The following USP15 variants were observed in gnomAD, a reference collection of about 807,000 sequenced individuals.
USP15 encodes the protein ubiquitin specific peptidase 15.
Under a neutral mutation model 127.1 loss-of-function variants are expected in USP15, and 18 were observed. The observed-to-expected ratio is 0.14, with a 90% CI of 0.10 to 0.21. USP15 has a LOEUF of 0.21. USP15 is among the 10% of genes least tolerant of loss of function. The probability of loss-of-function intolerance (pLI) is 1.00; values close to 1 mark genes in which losing one functional copy is unlikely to be tolerated. For missense variants in USP15, 805 were observed against 1,159.9 expected, an observed-to-expected ratio of 0.69 and a Z score of 4.44; for synonymous variants, 364 against 393.7, an observed-to-expected ratio of 0.92 and a Z score of 0.89.
At chr12:62,376,684 A>G (rs2066840406) in intron 8 of USP15, among the ~76,000 whole-genome samples, 1 of 152,204 alleles carries the variant, frequency 6.6e-6, no homozygotes, top group Non-Finnish European at 1.5e-5. Context: ...ATACATTCAT[A>G]TATATTCTCA....
At position 62,398,116 on chromosome 12, in the gene USP15, C is replaced by T. The variant is rs559744810; in HGVS notation, c.2674+1718C>T. On this transcript the variant is annotated intron_variant, in intron 20 of 21. Transcript: ENST00000280377. Reference sequence around the variant, plus strand: ...AAGCGATCCTACCACCTTTGCCTCCCGAGTAGCTGGACTACAGGCACATGC... The same window carrying T: ...AAGCGATCCTACCACCTTTGCCTCCTGAGTAGCTGGACTACAGGCACATGC... Among the ~76,000 whole-genome samples the T allele has an allele frequency of 3.3e-5, 5 of 151,808 alleles. No individual in the cohort carries two copies. The South Asian group carries it at 8.4e-4, about 25-fold the overall frequency.
chr12:62,262,829 G>A (rs2063106216), intron 1 of USP15, among the ~76,000 whole-genome samples: 1 of 152,034 alleles, frequency 6.6e-6, no homozygotes, highest in Non-Finnish European at 1.5e-5. Flanking sequence ...AGTCATTTCA[G>A]TGCTTTTATT....
intron 8 of USP15, among the ~76,000 whole-genome samples, chr12:62,358,021 C>G (rs1024042008): frequency 6.6e-6 from 1 of 152,004 alleles, no homozygotes; most frequent in African/African-American, 2.4e-5. Flanking sequence ...TGAAGACGTT[C>G]ATGAATTTTA....
chr12:62,356,637 G>A (rs573040289), intron 8 of USP15, among the ~76,000 whole-genome samples: 1 of 152,016 alleles, frequency 6.6e-6, no homozygotes, highest in South Asian at 2.1e-4. Flanking sequence ...TAATATATAG[G>A]TTAATAAACT....
chr12:62,282,017 T>C (rs1165484774), intron 1 of USP15, among the ~76,000 whole-genome samples: 1 of 152,146 alleles, frequency 6.6e-6, no homozygotes, highest in East Asian at 1.9e-4. Context: ...CTTTTTCCTA[T>C]GCTTACATAT....
chr12:62,349,287 T>C lies in USP15; in HGVS notation c.750T>C (p.Tyr250=). The C allele has an allele frequency of 2.0e-6, 3 of 1,498,444 alleles. No individual in the cohort carries two copies. The highest frequency in any genetic ancestry group is 2.7e-6 in the Non-Finnish European group (3 of 1,127,116). 92.8% of individuals were successfully genotyped at this position (1,498,444 alleles called of 1,614,324 possible). A position where few individuals can be genotyped will look rare whatever the true frequency, so the allele number is the denominator to read the frequency against. The change falls in exon 7 of 22, where the codon TAT becomes TAC. Residue 250 remains tyrosine, a synonymous_variant. Coordinates refer to ENST00000280377, the MANE Select transcript of USP15 (RefSeq NM_001252078.2). ...CTCCTTCATCTCTATCAAATAATTATAACAACATGAACAACAGAAAGTAAG... is the reference window on the plus strand; with the variant it reads ...CTCCTTCATCTCTATCAAATAATTACAACAACATGAACAACAGAAAGTAAG... The part of the protein sequence containing the change: ...KISPSSLSNN[Y]NNMNNRNVKN...
At chr12:62,352,093 G>A (rs73136848) in intron 7 of USP15, among the ~76,000 whole-genome samples, 11,820 of 151,530 alleles carry the variant, frequency 0.078, 584 homozygotes, top group Middle Eastern at 0.16. Flanking sequence ...TAGTCTACAA[G>A]TATAAGTAAT....
Position 62,414,533 on chromosome 12 carries a change from C to T in USP15, c.*10158C>T, listed in dbSNP as rs1322072114. The T allele has an allele frequency of 6.6e-6, 1 of 152,184 alleles. No individual in the cohort carries two copies. Among genetic ancestry groups the T allele is most frequent in the East Asian group, 1.9e-4 (1 of 5,182 alleles). The allele number at this position is 152,184 out of a possible 1,614,324, so 9.4% of individuals were successfully genotyped here. ...GCTAATTTTTGTAGAGACCAGGTTT[C>T]ACCATGTTACCCAGGCTGGTTTTGA... is the stretch of plus-strand genomic sequence containing the variant. On this transcript the variant is annotated 3_prime_UTR_variant, in exon 22 of 22. Coordinates refer to ENST00000280377, the MANE Select transcript of USP15 (RefSeq NM_001252078.2).
At chr12:62,277,160 A>C (rs2063517122) in intron 1 of USP15, among the ~76,000 whole-genome samples, 1 of 152,178 alleles carries the variant, frequency 6.6e-6, no homozygotes, top group African/African-American at 2.4e-5. Context: ...TCCTTGCACC[A>C]CTTGATAATA....
chr12:62,302,453 A>G (rs1565834377), intron 2 of USP15, among the ~76,000 whole-genome samples: 1 of 152,208 alleles, frequency 6.6e-6, no homozygotes, highest in African/African-American at 2.4e-5. Flanking sequence ...TTATTTTGAA[A>G]TATGTATGGC....
At chr12:62,360,905 A>G (rs2066293506) in intron 8 of USP15, among the ~76,000 whole-genome samples, 2 of 152,090 alleles carry the variant, frequency 1.3e-5, no homozygotes, top group Non-Finnish European at 2.9e-5. Flanking sequence ...TCAAAAATAT[A>G]TTCAATCCTC....
intron 3 of USP15, among the ~76,000 whole-genome samples, chr12:62,306,340 G>T (rs1226574828): frequency 2.6e-5 from 4 of 152,130 alleles, no homozygotes; most frequent in Non-Finnish European, 5.9e-5. Flanking sequence ...GCGTGGCTTT[G>T]GAGCTGACAG....
intron 6 of USP15, among the ~76,000 whole-genome samples, chr12:62,348,694 T>C (rs2065887378): frequency 4.6e-5 from 7 of 152,218 alleles, no homozygotes; most frequent in Non-Finnish European, 8.8e-5. Flanking sequence ...GTATGTATAC[T>C]ATAGTCAGAT....
chr12:62,318,025 G>A (rs1431898805), intron 4 of USP15, among the ~76,000 whole-genome samples: 2 of 152,128 alleles, frequency 1.3e-5, no homozygotes, highest in African/African-American at 2.4e-5. Flanking sequence ...TGAGTAACCT[G>A]TATTATTTTT....
intron 8 of USP15, among the ~76,000 whole-genome samples, chr12:62,379,799 T>A (rs984222945): frequency 1.2e-4 from 19 of 152,130 alleles, no homozygotes; most frequent in African/African-American, 4.3e-4. Context: ...TACTAAGTGA[T>A]GGCATTTACC....
chr12:62,260,607 C>A, intron 1 of USP15, 104 bp downstream of exon 1: 1 of 1,119,826 alleles, frequency 8.9e-7, no homozygotes, highest in Non-Finnish European at 1.3e-6. Context: ...CGGGCAGGTC[C>A]GGCGGCGGCC....
At position 62,321,563 on chromosome 12, in the gene USP15, A is replaced by G. The variant is rs765197962; in HGVS notation, c.575A>G (p.Asn192Ser). 6.2e-7 allele frequency: 1 copy of G among 1,610,406 alleles called. No homozygotes were observed. The highest frequency in any genetic ancestry group is 8.5e-7 in the Non-Finnish European group (1 of 1,178,182). The change falls in exon 5 of 22, where the codon AAT becomes AGT. Residue 192 changes from asparagine (N) to serine (S), a missense_variant. By Grantham distance (46) the Asn-to-Ser change is conservative. Coordinates refer to ENST00000280377, the MANE Select transcript of USP15 (RefSeq NM_001252078.2). ...KYMSNTFEPLNKPDSTIQDAG... is the reference protein window; with the variant it reads ...KYMSNTFEPLSKPDSTIQDAG... The stretch of plus-strand genomic sequence containing the variant: ...ATGAGTAACACATTTGAACCACTGA[A>G]TAAACCAGACAGCACCATTCAGGAT...
chr12:62,277,483 TA>T (rs2063527057), intron 1 of USP15: 1 of 152,100 alleles, frequency 6.6e-6, no homozygotes, highest in Non-Finnish European at 1.5e-5. Flanking sequence ...AAATGGCATA[TA>T]AAAGATTTTT....
At chr12:62,305,500 TG>T (rs1463258959) in intron 3 of USP15, 1 of 152,132 alleles carries the variant, frequency 6.6e-6, no homozygotes, top group African/African-American at 2.4e-5. Context: ...TAATAGAATT[TG>T]TTACCTGCAG....
Sources: allele counts gnomAD v4.1 joint callset (sites outside exome capture counted in the v4.1 genomes callset), GRCh38; gene constraint gnomAD v4.1.1; transcripts MANE v1.5; gene names NCBI Gene and HGNC (gene_info 2026-07-23, HGNC 2026-07-21).